The following MTAP variants were observed in gnomAD, a reference collection of about 807,000 sequenced individuals.
The protein encoded by MTAP is methylthioadenosine phosphorylase.
In MTAP, 33 loss-of-function variants were observed where a neutral mutation model predicts 33.6. That is an observed-to-expected ratio of 0.98 (90% CI 0.74 to 1.31). The LOEUF is 1.31. Ranked by LOEUF, MTAP falls within the 40% of genes most tolerant of loss-of-function variation. The pLI, the probability that MTAP is intolerant of heterozygous loss-of-function variation, is 0.00. For synonymous variants in MTAP, 148 were observed against 125.7 expected (o/e 1.18, Z -1.19); for missense variants, 367 against 360.0 (o/e 1.02, Z -0.16).
In MTAP at chr9:21,864,670, C is replaced by G. The variant is rs1825821374; in HGVS notation, c.*2656C>G. The stretch of plus-strand genomic sequence containing the variant: ...AGTTGCTGTGCAGGGCTGGAGGTAG[C>G]TACCATGGCTTGTTTCAAGGAAGGA... On this transcript the variant is annotated 3_prime_UTR_variant, in exon 8 of 8. Transcript: ENST00000644715. 1.0e-6 allele frequency: 1 copy of G among 985,374 alleles called. No individual in the cohort carries two copies. Among genetic ancestry groups the G allele is most frequent in the African/African-American group, 1.7e-5 (1 of 57,240 alleles). 61.0% of individuals were successfully genotyped at this position (985,374 alleles called of 1,614,324 possible).
intron 5 of MTAP, among the ~76,000 whole-genome samples, chr9:21,839,337 GATAAAATTCTTGTCCACTTCAAAA>G (rs1455691461): frequency 6.6e-6 from 1 of 152,140 alleles, no homozygotes; most frequent in East Asian, 1.9e-4. Flanking sequence ...ATGAAGTATG[GATAAAATTCTTGTCCACTTCAAAA>G]TGGGGGCAGC....
chr9:21,815,590 T>TAAAAAAAA, intron 2 of MTAP, 71 bp downstream of exon 2: 3 of 757,244 alleles, frequency 4.0e-6, no homozygotes, highest in Non-Finnish European at 6.4e-6. Context: ...ATTTTTGAAT[T>TAAAAAAAA]AAAAAAAAAA....
rs756419350 is a variant in MTAP, at chr9:21,802,746, G to T, written c.-3G>T. The T allele has an allele frequency of 1.2e-6, 2 of 1,613,142 alleles. No individual in the cohort carries two copies. The highest frequency in any genetic ancestry group is 8.5e-7 in the Non-Finnish European group (1 of 1,179,896). The stretch of plus-strand genomic sequence containing the variant: ...CCACTGCAGATTCCTTTCCCGTGCA[G>T]ACATGGCCTCTGGCACCACCACCAC... On this transcript the variant is annotated 5_prime_UTR_variant, in exon 1 of 8. Coordinates refer to ENST00000644715, the MANE Select transcript of MTAP (RefSeq NM_002451.4).
At chr9:21,805,756 A>C (rs2117894586) in intron 1 of MTAP, among the ~76,000 whole-genome samples, 1 of 152,332 alleles carries the variant, frequency 6.6e-6, no homozygotes, top group Non-Finnish European at 1.5e-5. Flanking sequence ...TCAGACACTG[A>C]ATCTGCTGTG....
chr9:21,834,927 T>G (rs891720695), intron 4 of MTAP, among the ~76,000 whole-genome samples: 1 of 152,190 alleles, frequency 6.6e-6, no homozygotes, highest in Non-Finnish European at 1.5e-5. Context: ...CAGCCTTGTT[T>G]TTATATTTAA....
chr9:21,934,764 A>G (rs1343825668), downstream of MTAP: 1 of 151,704 alleles, frequency 6.6e-6, no homozygotes, highest in African/African-American at 2.4e-5. This position sits in a 1 kb window ranked among gnomAD's most constrained non-coding sequence, Gnocchi z 5.0. Context: ...GCAGTGGCAC[A>G]ATCTCAGCTC....
rs144710146 is a variant in MTAP at position 21,859,051 on chromosome 9, C to A, written c.691-252C>A. The A allele has an allele frequency of 2.1e-4, 61 of 296,182 alleles. No homozygotes were observed. In the East Asian group the frequency reaches 3.7e-3, roughly 18 times the overall value. The allele number at this position is 296,182 out of a possible 1,614,324, so 18.3% of individuals were successfully genotyped here. A position where few individuals can be genotyped will look rare whatever the true frequency, so the allele number is the denominator to read the frequency against. On this transcript the variant is annotated intron_variant, in intron 6 of 7. Transcript: ENST00000644715. The stretch of plus-strand genomic sequence containing the variant: ...CTGGAACCTCACACGGTGGAAGGGG[C>A]CCTCGAAGAATAGCACTGGGGCCTC...
chr9:21,803,030 A>ACACACACACACACACACC, intron 1 of MTAP: 1 of 1,006,530 alleles, frequency 9.9e-7, no homozygotes, highest in Non-Finnish European at 1.3e-6. Context: ...ACACACACAC[A>ACACACACACACACACACC]CACACACCAC....
intron 4 of MTAP, 62 bp from the exon 5 acceptor site, chr9:21,837,846 G>A (rs867757722): frequency 2.2e-5 from 30 of 1,388,014 alleles, no homozygotes; most frequent in Middle Eastern, 1.9e-4. Flanking sequence ...ACCAGCCCTC[G>A]GAGGATGGAA....
At chr9:21,853,806 A>G (rs753963431) in intron 5 of MTAP, among the ~76,000 whole-genome samples, 9 of 152,234 alleles carry the variant, frequency 5.9e-5, no homozygotes, top group Non-Finnish European at 1.3e-4. Flanking sequence ...TACACTTGAG[A>G]AAACTAAGGC....
chr9:21,808,058 G>A (rs1255616138), intron 1 of MTAP, among the ~76,000 whole-genome samples: 1 of 152,208 alleles, frequency 6.6e-6, no homozygotes, highest in Non-Finnish European at 1.5e-5. Flanking sequence ...TGCTAGAAAT[G>A]CAAGTTCATA....
At chr9:21,939,452 A>C (rs1036676813), downstream of MTAP, among the ~76,000 whole-genome samples, 1 of 152,180 alleles carries the variant, frequency 6.6e-6, no homozygotes, top group Non-Finnish European at 1.5e-5. Flanking sequence ...TTATACCTTT[A>C]TCAACAGAAA....
chr9:21,871,437 C>T (rs1430724753), downstream of MTAP, among the ~76,000 whole-genome samples: 1 of 152,208 alleles, frequency 6.6e-6, no homozygotes. Flanking sequence ...TTAGCCCTTT[C>T]TCTGCACTTT....
chr9:21,857,575 C>T (rs568826207), intron 6 of MTAP, among the ~76,000 whole-genome samples: 126 of 152,266 alleles, frequency 8.3e-4, no homozygotes, highest in African/African-American at 3.0e-3. Flanking sequence ...TCAACTTTTT[C>T]TTATGAAGCT....
chr9:21,866,974 A>G lies in MTAP; in HGVS notation c.*4960A>G, dbSNP rs534903672. ...ATTTTGTGGAAATGTTACTGTAAAT[A>G]GTACTTTAATTTCATTTTTAAGTTT... On this transcript the variant is annotated 3_prime_UTR_variant, in exon 8 of 8. Transcript: ENST00000644715. The G allele has an allele frequency of 5.9e-5, 9 of 152,300 alleles. No homozygotes were observed. The East Asian group carries it at 1.5e-3, about 26-fold the overall frequency. The allele number at this position is 152,300 out of a possible 1,614,324, so 9.4% of individuals were successfully genotyped here.
At chr9:21,898,958 C>G (rs576190487) in intron 1 of MTAP, among the ~76,000 whole-genome samples, 1 of 151,958 alleles carries the variant, frequency 6.6e-6, no homozygotes, top group African/African-American at 2.4e-5. Context: ...GCACTATTCA[C>G]AATAGCAAAG....
downstream of MTAP, chr9:21,867,154 A>G (rs1448713262): frequency 6.6e-6 from 1 of 152,162 alleles, no homozygotes; most frequent in Admixed American, 6.5e-5. Context: ...ATATATGAAT[A>G]ACAACAGTTT....
rs989251843 is a variant in MTAP at position 21,814,693 on chromosome 9, G to A, written c.34-740G>A. Among the ~76,000 whole-genome samples the A allele has an allele frequency of 5.3e-5, 8 of 152,118 alleles. No individual in the cohort carries two copies. In the East Asian group the frequency reaches 1.2e-3, roughly 22 times the overall value. On this transcript the variant is annotated intron_variant, in intron 1 of 7. Transcript: ENST00000644715. The stretch of plus-strand genomic sequence containing the variant: ...TAATCTCTGAAAAATGCAATACAAT[G>A]CATGAACTTAAAAAAAACTTATAAC...
intron 1 of MTAP, among the ~76,000 whole-genome samples, chr9:21,884,507 A>G (rs1818075158): frequency 1.3e-5 from 2 of 152,228 alleles, no homozygotes; most frequent in Admixed American, 1.3e-4. Flanking sequence ...TAAAAATACT[A>G]TAGACTGGAT....
Sources: gnomAD v4.1 joint callset for allele counts (sites outside exome capture counted in the v4.1 genomes callset) on GRCh38, gnomAD v4.1.1 for gene constraint, Gnocchi (gnomAD v3.1) non-coding constraint, MANE v1.5 for transcripts, NCBI Gene and HGNC (gene_info 2026-07-23, HGNC 2026-07-21) for gene names.